Variants in THSD7A observed in about 807,000 individuals in gnomAD.
THSD7A encodes the protein thrombospondin type-1 domain-containing protein 7A.
A neutral mutation model predicts 231.3 loss-of-function variants in THSD7A; 96 were observed. That is an observed-to-expected ratio of 0.41 (90% CI 0.35 to 0.49). The LOEUF (loss-of-function observed/expected upper bound fraction) is 0.49. Among genes scored for constraint, THSD7A ranks in the 20% least tolerant of loss-of-function variants. The pLI is 0.05. For synonymous variants in THSD7A, 940 were observed against 743.3 expected, an observed-to-expected ratio of 1.26 and a Z score of -4.30; for missense variants, 2,290 against 2,070.2, an observed-to-expected ratio of 1.11 and a Z score of -2.06.
chr7:11,799,295 C>T (rs570838242), intron 1 of THSD7A, among the ~76,000 whole-genome samples: 5 of 152,190 alleles, frequency 3.3e-5, no homozygotes, highest in Admixed American at 6.5e-5. Context: ...TAAAAGCATA[C>T]GGATTGGCAC....
At chr7:11,809,941 G>C (rs1784487263) in intron 1 of THSD7A, among the ~76,000 whole-genome samples, 1 of 152,100 alleles carries the variant, frequency 6.6e-6, no homozygotes. Context: ...AGAACAATGG[G>C]CTGTATAAGA....
intron 1 of THSD7A, among the ~76,000 whole-genome samples, chr7:11,808,131 CTGCAGGGCAG>C (rs1458595892): frequency 7.0e-6 from 1 of 143,732 alleles, no homozygotes; most frequent in African/African-American, 2.5e-5. Context: ...GTGCCAACTT[CTGCAGGGCAG>C]TTTAGAAAGA....
At chr7:11,418,560 C>T (rs1203646846) in intron 16 of THSD7A, among the ~76,000 whole-genome samples, 5 of 152,218 alleles carry the variant, frequency 3.3e-5, no homozygotes, top group African/African-American at 1.2e-4. Context: ...TCTCAAGTCT[C>T]TCAAACCTAG....
rs183899861 is a variant in THSD7A at position 11,772,739 on chromosome 7, G to A, written c.190+59018C>T. 4.6e-5 allele frequency among the ~76,000 whole-genome samples: 7 copies of A among 152,154 alleles called. No individual in the cohort carries two copies. In the East Asian group the frequency reaches 1.4e-3, roughly 29 times the overall value. ...CAGGGGGAGGGTAGAAGGAGGGTGA[G>A]TCAAAAAATTACCTATAGTGTACTC... On this transcript the variant is annotated intron_variant, in intron 1 of 27. Coordinates refer to ENST00000423059, the MANE Select transcript of THSD7A (RefSeq NM_015204.3).
intron 11 of THSD7A, among the ~76,000 whole-genome samples, chr7:11,450,035 C>A (rs1163946038): frequency 6.6e-6 from 1 of 151,968 alleles, no homozygotes; most frequent in Non-Finnish European, 1.5e-5. Context: ...CTACTCATTC[C>A]ATTTAGCTCT....
intron 1 of THSD7A, among the ~76,000 whole-genome samples, chr7:11,770,336 T>C (rs1384683484): frequency 6.6e-6 from 1 of 152,184 alleles, no homozygotes; most frequent in Non-Finnish European, 1.5e-5. Flanking sequence ...AATTATATTT[T>C]AATTGCAATT....
chr7:11,397,273 C>G (rs1354188434), intron 23 of THSD7A, among the ~76,000 whole-genome samples: 1 of 152,126 alleles, frequency 6.6e-6, no homozygotes, highest in Non-Finnish European at 1.5e-5. Context: ...CATCTACAAC[C>G]ATCTGATCTT....
intron 1 of THSD7A, among the ~76,000 whole-genome samples, chr7:11,713,635 T>C (rs543278664): frequency 6.6e-6 from 1 of 151,288 alleles, no homozygotes; most frequent in South Asian, 2.1e-4. Context: ...ATCCTAACTT[T>C]TGTTTAGGAT....
chr7:11,622,688 C>T (rs1185189506), intron 2 of THSD7A, among the ~76,000 whole-genome samples: 1 of 152,158 alleles, frequency 6.6e-6, no homozygotes, highest in Non-Finnish European at 1.5e-5. Context: ...CAGGGTTTCA[C>T]TTGCCTTATT....
In THSD7A at chr7:11,677,253, G is replaced by A. The variant is rs550983730; in HGVS notation, c.191-40292C>T. The stretch of plus-strand genomic sequence containing the variant: ...GTCATGACCAGGCCTGCCTTACAAG[G>A]GCTCCTGAAGGAAACACGAAATATG... On this transcript the variant is annotated intron_variant, in intron 1 of 27. Coordinates refer to ENST00000423059, the MANE Select transcript of THSD7A (RefSeq NM_015204.3). Among the ~76,000 whole-genome samples the A allele has an allele frequency of 1.9e-3, 282 of 151,946 alleles. 1 individual carries two copies. Among genetic ancestry groups the A allele is most frequent in the African/African-American group, 6.6e-3 (272 of 41,432 alleles).
At position 11,411,961 on chromosome 7, in the gene THSD7A, C is replaced by G. The variant is rs1374116741; in HGVS notation, c.3683-639G>C. Among the ~76,000 whole-genome samples, 2 of 151,714 alleles carry G rather than the reference C, an allele frequency of 1.3e-5. No homozygotes were observed. Among genetic ancestry groups the G allele is most frequent in the African/African-American group, 2.4e-5 (1 of 41,286 alleles). On this transcript the variant is annotated intron_variant, in intron 18 of 27. Coordinates refer to ENST00000423059, the MANE Select transcript of THSD7A (RefSeq NM_015204.3). This position sits in a 1 kb window ranked among gnomAD's most constrained non-coding sequence, Gnocchi z 4.1. ...AAGAGAAAAACCAAAAGAAACAAAG[C>G]CAATATGACTGTTATGTGTCATTGT...
intron 6 of THSD7A, among the ~76,000 whole-genome samples, chr7:11,519,711 G>T (rs1788182268): frequency 6.6e-6 from 1 of 152,026 alleles, no homozygotes; most frequent in African/African-American, 2.4e-5. Context: ...TCAAACATTC[G>T]ATTATCCTGC....
intron 1 of THSD7A, among the ~76,000 whole-genome samples, chr7:11,774,811 T>C (rs1384402658): frequency 2.6e-5 from 4 of 152,128 alleles, no homozygotes; most frequent in African/African-American, 9.7e-5. Context: ...TCCCGGCACT[T>C]TGGGAGGACG....
At chr7:11,493,672 C>T (rs1786987622) in intron 6 of THSD7A, among the ~76,000 whole-genome samples, 1 of 151,978 alleles carries the variant, frequency 6.6e-6, no homozygotes, top group African/African-American at 2.4e-5. Flanking sequence ...AATATTGGCC[C>T]ATTGTACCAT....
chr7:11,602,412 C>A (rs1490081485), intron 2 of THSD7A, among the ~76,000 whole-genome samples: 1 of 151,790 alleles, frequency 6.6e-6, no homozygotes, highest in African/African-American at 2.4e-5. Context: ...TTCAGAAGTA[C>A]AAAGATAAGA....
intron 2 of THSD7A, among the ~76,000 whole-genome samples, chr7:11,622,671 G>A (rs1261243557): frequency 6.6e-6 from 1 of 152,030 alleles, no homozygotes; most frequent in Admixed American, 6.6e-5. Context: ...ATCTTAAACA[G>A]GACCACCAGG....
intron 1 of THSD7A, among the ~76,000 whole-genome samples, chr7:11,666,588 A>G (rs1263564573): frequency 6.6e-6 from 1 of 152,018 alleles, no homozygotes; most frequent in Non-Finnish European, 1.5e-5. Flanking sequence ...TTAATTTAAT[A>G]AAATTGTACT....
chr7:11,832,092 G>A lies in THSD7A; in HGVS notation c.-146C>T, dbSNP rs927420750. On this transcript the variant is annotated 5_prime_UTR_variant, in exon 1 of 28. In the 5' UTR this introduces an upstream ATG that the reference lacks. Coordinates refer to ENST00000423059, the MANE Select transcript of THSD7A (RefSeq NM_015204.3). ...TTCAGATGAGAAGGAGGGAGAGCGC[G>A]TCTAACACCAGGGAACAATAGCGTC... 44 of 503,728 alleles carry A rather than the reference G, an allele frequency of 8.7e-5. No homozygotes were observed. Among genetic ancestry groups the A allele is most frequent in the Non-Finnish European group, 1.2e-4 (41 of 337,710 alleles). The allele number at this position is 503,728 out of a possible 1,614,324, so 31.2% of individuals were successfully genotyped here.
At chr7:11,443,354 A>G (rs1784863326) in intron 13 of THSD7A, among the ~76,000 whole-genome samples, 1 of 152,108 alleles carries the variant, frequency 6.6e-6, no homozygotes, top group African/African-American at 2.4e-5. Context: ...AAGTAGAAAG[A>G]GAATTTATAT....
Sources: gnomAD v4.1 joint callset for allele counts (sites outside exome capture counted in the v4.1 genomes callset) on GRCh38, gnomAD v4.1.1 for gene constraint, Gnocchi (gnomAD v3.1) non-coding constraint, MANE v1.5 for transcripts, NCBI Gene and HGNC (gene_info 2026-07-23, HGNC 2026-07-21) for gene names.